Variants in CDC20B observed in about 807,000 individuals in gnomAD.
CDC20B encodes cell division cycle 20B, also known as cell division cycle protein 20 homolog B.
Under a neutral mutation model 64.1 loss-of-function variants are expected in CDC20B, and 58 were observed. The ratio of observed to expected loss-of-function variants is 0.90; its 90% CI spans 0.73 to 1.13. The LOEUF is 1.13. Ranked by LOEUF, CDC20B falls within the 50% of genes most tolerant of loss-of-function variation. The pLI, the probability that CDC20B is intolerant of heterozygous loss-of-function variation, is 0.00. For synonymous variants in CDC20B, 243 were observed against 230.6 expected (o/e 1.05, Z -0.49); for missense variants, 597 against 633.0 (o/e 0.94, Z 0.61).
chr5:55,147,069 A>G (rs1408117492), intron 2 of CDC20B, among the ~76,000 whole-genome samples: 1 of 146,964 alleles, frequency 6.8e-6, no homozygotes, highest in African/African-American at 2.5e-5. Context: ...TTTTATAGTT[A>G]CATATTATAT....
At chr5:55,148,611 G>A (rs904544707) in intron 2 of CDC20B, among the ~76,000 whole-genome samples, 1 of 152,120 alleles carries the variant, frequency 6.6e-6, no homozygotes, top group African/African-American at 2.4e-5. Flanking sequence ...CTACTTGATG[G>A]GGCTGAGGCA....
intron 6 of CDC20B, among the ~76,000 whole-genome samples, chr5:55,132,104 G>T (rs1743047345): frequency 6.6e-6 from 1 of 152,070 alleles, no homozygotes; most frequent in East Asian, 1.9e-4. Context: ...AAGGAAAAAT[G>T]GGAACAAACA....
chr5:55,130,327 A>G (rs1490519671), intron 6 of CDC20B, among the ~76,000 whole-genome samples: 1 of 152,200 alleles, frequency 6.6e-6, no homozygotes, highest in African/African-American at 2.4e-5. Context: ...AAATTATTCA[A>G]TCTAAAGAAT....
rs1299179498 is a variant in CDC20B at position 55,119,861 on chromosome 5, G to C, written c.1399C>G (p.Pro467Ala). The C allele has an allele frequency of 6.2e-7, 1 of 1,614,048 alleles. No homozygotes were observed. The highest frequency in any genetic ancestry group is 1.7e-5 in the Admixed American group (1 of 60,020). The change falls in exon 11 of 12, where the codon CCC becomes GCC. Residue 467 changes from proline to alanine, a missense_variant. Physicochemically the swap from Pro to Ala is conservative, Grantham distance 27. Coordinates refer to ENST00000381375, the MANE Select transcript of CDC20B (RefSeq NM_001170402.1). ...GTCCACACAGTCACATCATTCTTGG[G>C]AGTACCTTGACCAGTTGCAATCTCC... ...TKEIATGQGT[P>A]KNDVTVWTCP...
chr5:55,160,775 G>T, intron 2 of CDC20B: 1 of 503,018 alleles, frequency 2.0e-6, no homozygotes, highest in Non-Finnish European at 3.4e-6. Flanking sequence ...AAACTTTCAT[G>T]AGTATCTAAT....
At chr5:55,162,122 G>T (rs564746983) in intron 2 of CDC20B, among the ~76,000 whole-genome samples, 1 of 148,940 alleles carries the variant, frequency 6.7e-6, no homozygotes, top group East Asian at 2.0e-4. Context: ...AAGGCCGGGC[G>T]CGGTGGCTCA....
At chr5:55,117,540 A>G (rs1003546219) in intron 11 of CDC20B, among the ~76,000 whole-genome samples, 3 of 152,086 alleles carry the variant, frequency 2.0e-5, no homozygotes, top group Admixed American at 2.0e-4. Context: ...CATGACCCCC[A>G]GTTTGAAGAC....
At chr5:55,164,322 G>C (rs1479923554) in intron 2 of CDC20B, 1 of 792,424 alleles carries the variant, frequency 1.3e-6, no homozygotes, top group Non-Finnish European at 1.8e-6. Context: ...CTGTCACCCA[G>C]GCTGGAGTGC....
intron 2 of CDC20B, among the ~76,000 whole-genome samples, chr5:55,172,094 C>A (rs771466461): frequency 1.4e-4 from 22 of 152,108 alleles, no homozygotes; most frequent in Non-Finnish European, 2.6e-4. Flanking sequence ...AATTTGTTTC[C>A]TTTTACACTG....
intron 2 of CDC20B, chr5:55,160,211 T>C (rs775681987): frequency 6.2e-7 from 1 of 1,614,016 alleles, no homozygotes; most frequent in East Asian, 2.2e-5. Flanking sequence ...TCTTGCAGCT[T>C]ACCCGCTAAA....
intron 2 of CDC20B, among the ~76,000 whole-genome samples, chr5:55,152,646 G>A (rs887113386): frequency 1.3e-5 from 2 of 152,106 alleles, no homozygotes; most frequent in Non-Finnish European, 2.9e-5. Context: ...ACCAACCAGA[G>A]CAACCCTGCC....
At position 55,165,928 on chromosome 5, in the gene CDC20B, C is replaced by G. The variant is rs1744359416; in HGVS notation, c.126+6660G>C. 3 of 152,318 alleles carry G rather than the reference C, an allele frequency of 2.0e-5. No homozygotes were observed. The South Asian group carries it at 6.2e-4, about 32-fold the overall frequency. The allele number at this position is 152,318 out of a possible 1,614,324, so 9.4% of individuals were successfully genotyped here. On this transcript the variant is annotated intron_variant, in intron 2 of 11. Transcript: ENST00000381375. ...GACCAGGAAGGAAATCAGAACTAAC[C>G]TGGATTGTTAGCGAAGAAAACAGAA...
intron 2 of CDC20B, chr5:55,160,051 T>G (rs1743948111): frequency 3.2e-6 from 2 of 622,608 alleles, no homozygotes; most frequent in African/African-American, 3.7e-5. Flanking sequence ...TCATTTCCCC[T>G]CTGAGAAGTG....
intron 2 of CDC20B, chr5:55,164,129 T>C (rs1744247193): frequency 1.2e-6 from 2 of 1,607,836 alleles, no homozygotes; most frequent in East Asian, 4.5e-5. Context: ...TGTGAAGTTC[T>C]GGAAGCCAGA....
intron 5 of CDC20B, chr5:55,136,644 T>C (rs1315274805): frequency 3.9e-5 from 6 of 152,262 alleles, no homozygotes; most frequent in South Asian, 2.1e-4. Flanking sequence ...TTCACATTTA[T>C]TTTTGAGACC....
intron 2 of CDC20B, among the ~76,000 whole-genome samples, chr5:55,163,013 A>G (rs1449790624): frequency 6.6e-6 from 1 of 152,176 alleles, no homozygotes; most frequent in Admixed American, 6.5e-5. Flanking sequence ...GGGGATGATA[A>G]TAATACCCAC....
intron 4 of CDC20B, among the ~76,000 whole-genome samples, chr5:55,142,525 G>A (rs544166786): frequency 2.0e-5 from 3 of 152,088 alleles, no homozygotes; most frequent in Non-Finnish European, 4.4e-5. Context: ...AAGGATAAGA[G>A]GAAGGAAAAG....
At chr5:55,115,893 C>T (rs189793965) in intron 11 of CDC20B, among the ~76,000 whole-genome samples, 19 of 152,266 alleles carry the variant, frequency 1.2e-4, no homozygotes, top group Admixed American at 6.5e-4. Context: ...CACACACACA[C>T]GCACACACAC....
intron 2 of CDC20B, among the ~76,000 whole-genome samples, chr5:55,151,930 TAAGTTCAGGATG>T (rs1363251607): frequency 6.6e-5 from 10 of 152,356 alleles, no homozygotes; most frequent in Non-Finnish European, 1.3e-4. Flanking sequence ...TATGCAGATG[TAAGTTCAGGATG>T]AAGTTAAGTT....
Sources: gnomAD v4.1 joint callset for allele counts (sites outside exome capture counted in the v4.1 genomes callset) on GRCh38, gnomAD v4.1.1 for gene constraint, MANE v1.5 for transcripts, NCBI Gene and HGNC (gene_info 2026-07-23, HGNC 2026-07-21) for gene names.